SH3RF2: variants seen among roughly 807,000 people sequenced by gnomAD.
The protein encoded by SH3RF2 is E3 ubiquitin-protein ligase SH3RF2.
SH3RF2 carries 43 observed loss-of-function variants against 59.0 expected under a neutral mutation model. That is an observed-to-expected ratio of 0.73 (90% CI 0.57 to 0.94). The LOEUF (loss-of-function observed/expected upper bound fraction) is 0.94, where lower values mean the gene tolerates loss of function less well. Ranked by LOEUF, SH3RF2 falls within the 40% of genes least tolerant of loss-of-function variation. The probability of loss-of-function intolerance (pLI) is 0.00; values close to 1 mark genes in which losing one functional copy is unlikely to be tolerated. For synonymous variants in SH3RF2, 391 were observed against 391.5 expected, an observed-to-expected ratio of 1.00 and a Z score of 0.01; for missense variants, 930 against 940.1, an observed-to-expected ratio of 0.99 and a Z score of 0.14.
At chr5:145,950,259 G>A (rs1463306894) in intron 2 of SH3RF2, among the ~76,000 whole-genome samples, 2 of 152,322 alleles carry the variant, frequency 1.3e-5, no homozygotes, top group East Asian at 1.9e-4. Flanking sequence ...AACCAGGTCT[G>A]CCTGAATCCA....
chr5:146,051,879 G>C (rs1291246593), intron 7 of SH3RF2, among the ~76,000 whole-genome samples: 3 of 152,186 alleles, frequency 2.0e-5, no homozygotes, highest in African/African-American at 7.2e-5. Context: ...GCCAGAAGCT[G>C]AAATCTTCAA....
In SH3RF2 at chr5:146,072,294, G is replaced by A. The variant is rs1763254298; in HGVS notation, c.*34-6166G>A. Among the ~76,000 whole-genome samples, 3 of 152,198 alleles carry A rather than the reference G, an allele frequency of 2.0e-5. No homozygotes were observed. The South Asian group carries it at 6.2e-4, about 31-fold the overall frequency. ...GGCCAGATGTTGGTATGCAGAAAGGGACCCAGAAGTGGTAGCTGTTGGAGA... is the reference window on the plus strand; with the variant it reads ...GGCCAGATGTTGGTATGCAGAAAGGAACCCAGAAGTGGTAGCTGTTGGAGA... On this transcript the variant is annotated intron_variant, in intron 9 of 9. Transcript: ENST00000511217.
chr5:145,956,623 GC>G (rs1429990472), intron 2 of SH3RF2, among the ~76,000 whole-genome samples: 1 of 152,062 alleles, frequency 6.6e-6, no homozygotes, highest in Admixed American at 6.6e-5. Flanking sequence ...AGGGGAAGAA[GC>G]AAAGGGGTTA....
intron 3 of SH3RF2, among the ~76,000 whole-genome samples, chr5:146,002,871 A>G (rs1580843366): frequency 6.6e-6 from 1 of 152,044 alleles, no homozygotes; most frequent in Non-Finnish European, 1.5e-5. Flanking sequence ...TTATCTTGAA[A>G]CCATTCCCTA....
chr5:145,976,835 AGAGGTCACCCACTGTGT>A (rs1561719589), intron 2 of SH3RF2, among the ~76,000 whole-genome samples: 1 of 152,260 alleles, frequency 6.6e-6, no homozygotes, highest in African/African-American at 2.4e-5. Context: ...GACACCATAT[AGAGGTCACCCACTGTGT>A]GGGCAAGTCC....
chr5:146,025,952 A>G (rs1761516668), intron 5 of SH3RF2, among the ~76,000 whole-genome samples: 1 of 152,212 alleles, frequency 6.6e-6, no homozygotes, highest in Non-Finnish European at 1.5e-5. Context: ...AGCTGCAGCC[A>G]TTGCTATTAC....
rs778030767 is a variant in SH3RF2 at position 145,938,307 on chromosome 5, G to T, written c.378+1G>T. The T allele has an allele frequency of 2.0e-6, 3 of 1,527,810 alleles. No individual in the cohort carries two copies. The highest frequency in any genetic ancestry group is 2.6e-6 in the Non-Finnish European group (3 of 1,144,338). The allele number at this position is 1,527,810 out of a possible 1,614,324, so 94.6% of individuals were successfully genotyped here. Reference sequence around the variant, plus strand: ...TAATGTCAGAATCCACATGGATGGGGTAAGAGAGATCTTATTTGCTAATAT... The same window carrying T: ...TAATGTCAGAATCCACATGGATGGGTTAAGAGAGATCTTATTTGCTAATAT... On this transcript the variant is annotated splice_donor_variant, in intron 2 of 9. Coordinates refer to ENST00000359120, the MANE Select transcript of SH3RF2 (RefSeq NM_152550.4). LOFTEE classifies it high-confidence loss of function.
chr5:146,013,051 G>T (rs1373535401), intron 4 of SH3RF2, among the ~76,000 whole-genome samples: 2 of 152,078 alleles, frequency 1.3e-5, no homozygotes, highest in African/African-American at 4.8e-5. Flanking sequence ...GTGATTACAT[G>T]AACATATTTA....
chr5:146,026,730 G>A (rs1307745958), intron 5 of SH3RF2, among the ~76,000 whole-genome samples: 1 of 152,176 alleles, frequency 6.6e-6, no homozygotes, highest in Non-Finnish European at 1.5e-5. Flanking sequence ...GGGCTTTGGG[G>A]TCAGCTAGAT....
intron 3 of SH3RF2, among the ~76,000 whole-genome samples, chr5:146,002,168 C>G (rs192544030): frequency 1.1e-3 from 163 of 152,232 alleles, no homozygotes; most frequent in African/African-American, 3.8e-3. Flanking sequence ...GAAATAATAA[C>G]CTCCTGGCAC....
chr5:145,969,380 G>A (rs1257664707), intron 2 of SH3RF2, among the ~76,000 whole-genome samples: 2 of 152,152 alleles, frequency 1.3e-5, no homozygotes, highest in Non-Finnish European at 1.5e-5. Context: ...TTGGTGGGAA[G>A]TAAGAAGAAA....
rs531910679 is a variant in SH3RF2, at chr5:145,965,054, A to G, written c.378+26748A>G. Among the ~76,000 whole-genome samples the G allele has an allele frequency of 2.6e-5, 4 of 152,148 alleles. No individual in the cohort carries two copies. In the South Asian group the frequency reaches 8.3e-4, roughly 32 times the overall value. ...CTAAAACATAAAAAATTAGCCAGGC[A>G]TGGCAGCATGCACCTGTAATCCCAG... On this transcript the variant is annotated intron_variant, in intron 2 of 9. Transcript: ENST00000359120.
At chr5:145,991,301 C>A (rs1759924016) in intron 2 of SH3RF2, among the ~76,000 whole-genome samples, 1 of 152,172 alleles carries the variant, frequency 6.6e-6, no homozygotes, top group Non-Finnish European at 1.5e-5. Context: ...ATAATACTAT[C>A]TACTTCATAG....
chr5:146,043,194 A>G (rs1031427834), intron 5 of SH3RF2: 16 of 152,090 alleles, frequency 1.1e-4, no homozygotes, highest in Admixed American at 1.0e-3. Flanking sequence ...TTCTCTGCCT[A>G]TGTCTATCTT....
At chr5:146,057,270 G>A (rs375692415) in intron 8 of SH3RF2, among the ~76,000 whole-genome samples, 3 of 152,134 alleles carry the variant, frequency 2.0e-5, no homozygotes, top group African/African-American at 7.2e-5. Flanking sequence ...CTGACAGCCT[G>A]TTTGACTACC....
chr5:145,949,651 T>C (rs1758120394), intron 2 of SH3RF2, among the ~76,000 whole-genome samples: 2 of 152,108 alleles, frequency 1.3e-5, no homozygotes, highest in African/African-American at 4.8e-5. Context: ...ATTGGTTTGA[T>C]GCATAAGGGA....
intron 2 of SH3RF2, among the ~76,000 whole-genome samples, chr5:145,972,359 A>T (rs1054509235): frequency 6.6e-6 from 1 of 152,204 alleles, no homozygotes; most frequent in African/African-American, 2.4e-5. Context: ...TTCAGAACAG[A>T]TGGGTTTGCC....
intron 8 of SH3RF2, among the ~76,000 whole-genome samples, chr5:146,058,120 T>G (rs1762750459): frequency 6.6e-6 from 1 of 152,136 alleles, no homozygotes. Flanking sequence ...TGCAAAACCT[T>G]GATTGGCATG....
chr5:145,990,039 T>G (rs769050246), intron 2 of SH3RF2, among the ~76,000 whole-genome samples: 4 of 152,220 alleles, frequency 2.6e-5, no homozygotes, highest in Non-Finnish European at 4.4e-5. Flanking sequence ...CAGTTTCAAG[T>G]GTCAAAAAAT....
Sources: gnomAD v4.1 joint callset for allele counts (sites outside exome capture counted in the v4.1 genomes callset) on GRCh38, gnomAD v4.1.1 for gene constraint, MANE v1.5 for transcripts, NCBI Gene and HGNC (gene_info 2026-07-23, HGNC 2026-07-21) for gene names.